Variants in BBX observed in about 807,000 individuals in gnomAD.
BBX encodes the protein BBX high mobility group box domain containing.
Under a neutral mutation model 100.2 loss-of-function variants are expected in BBX, and 30 were observed. That is an observed-to-expected ratio of 0.30 (90% CI 0.22 to 0.41). BBX has a LOEUF of 0.41. BBX is among the 10% of genes least tolerant of loss of function. The pLI is 1.00. For missense variants in BBX, 1,023 were observed against 1,129.8 expected (o/e 0.91, Z 1.35); for synonymous variants, 376 against 388.1 (o/e 0.97, Z 0.37).
In BBX at chr3:107,555,170, T is replaced by C. The variant is rs16853614; in HGVS notation, c.-84+28772T>C. On this transcript the variant is annotated intron_variant, in intron 2 of 17. Coordinates refer to ENST00000325805, the MANE Select transcript of BBX (RefSeq NM_001142568.3). ...TTTCTGCTAAACCAAAGCTCCTATT[T>C]GAGGTGTAGTTGCTCAGTTTCCCAC... Among the ~76,000 whole-genome samples the C allele has an allele frequency of 8.7e-3, 1,327 of 152,318 alleles. 26 individuals are homozygous for C. Among genetic ancestry groups the C allele is most frequent in the African/African-American group, 0.03 (1,265 of 41,560 alleles).
intron 2 of BBX, among the ~76,000 whole-genome samples, chr3:107,637,940 G>A (rs772518728): frequency 1.3e-5 from 2 of 151,666 alleles, no homozygotes; most frequent in Non-Finnish European, 2.9e-5. Flanking sequence ...CTTGAGACAG[G>A]GTCTTGCTCT....
At chr3:107,576,202 A>T (rs772894956) in intron 2 of BBX, among the ~76,000 whole-genome samples, 100 of 152,334 alleles carry the variant, frequency 6.6e-4, no homozygotes, top group Non-Finnish European at 1.2e-3. Flanking sequence ...ATGTGGGGAA[A>T]CTGGGGCTCA....
chr3:107,580,416 A>T (rs1329369324), intron 2 of BBX, among the ~76,000 whole-genome samples: 1 of 152,206 alleles, frequency 6.6e-6, no homozygotes, highest in African/African-American at 2.4e-5. Context: ...TTATTATACA[A>T]GCACATTCAT....
intron 2 of BBX, chr3:107,599,564 C>T (rs953936161): frequency 1.3e-5 from 2 of 151,880 alleles, no homozygotes; most frequent in Admixed American, 6.6e-5. Flanking sequence ...TGTAGACTGC[C>T]GCACTGAAAA....
chr3:107,780,984 A>G (rs1372371250), intron 13 of BBX, among the ~76,000 whole-genome samples: 3 of 151,936 alleles, frequency 2.0e-5, no homozygotes, highest in Non-Finnish European at 4.4e-5. Context: ...CCATTTGTCT[A>G]TATTTTATTT....
intron 13 of BBX, among the ~76,000 whole-genome samples, chr3:107,787,357 C>T (rs1200990637): frequency 1.3e-5 from 2 of 152,042 alleles, no homozygotes; most frequent in Non-Finnish European, 2.9e-5. Flanking sequence ...TGATACATGC[C>T]GTAGCATGGA....
chr3:107,716,926 C>A, intron 5 of BBX, 77 bp downstream of exon 5: 1 of 1,529,630 alleles, frequency 6.5e-7, no homozygotes, highest in African/African-American at 1.4e-5. Flanking sequence ...ATATGAAGCA[C>A]CTGTTGAAGG....
chr3:107,594,343 C>A (rs187452487), intron 2 of BBX, among the ~76,000 whole-genome samples: 37 of 152,240 alleles, frequency 2.4e-4, no homozygotes, highest in Admixed American at 2.2e-3. Flanking sequence ...TCCCTTGAAG[C>A]CCTTATTCCT....
chr3:107,697,103 A>AT (rs374964882), intron 3 of BBX, among the ~76,000 whole-genome samples: 33,493 of 150,986 alleles, frequency 0.22, 4,815 homozygotes, highest in Non-Finnish European at 0.31. Flanking sequence ...ATTCTTCTAA[A>AT]TTTTTTTCAA....
At chr3:107,631,501 G>A (rs1289011281) in intron 2 of BBX, among the ~76,000 whole-genome samples, 2 of 151,554 alleles carry the variant, frequency 1.3e-5, no homozygotes, top group Non-Finnish European at 2.9e-5. Context: ...TTTTATTCTG[G>A]CATGTTTGGG....
At chr3:107,628,250 T>C (rs576492879) in intron 2 of BBX, among the ~76,000 whole-genome samples, 57 of 152,186 alleles carry the variant, frequency 3.7e-4, no homozygotes, top group African/African-American at 1.3e-3. Context: ...TAGAAAGGTA[T>C]AAAGGATTCC....
intron 17 of BBX, 81 bp downstream of exon 17, chr3:107,801,362 G>A (rs1559802898): frequency 6.8e-7 from 1 of 1,461,598 alleles, no homozygotes; most frequent in Non-Finnish European, 9.2e-7. Context: ...ATTTTTTACA[G>A]GGCATTGGGG....
At position 107,805,862 on chromosome 3, in the gene BBX, A is replaced by C. The variant is rs28683589; in HGVS notation, c.*405A>C. On this transcript the variant is annotated 3_prime_UTR_variant, in exon 18 of 18. Transcript: ENST00000325805. ...TTTCAAAACAAAACAAAAAAAAAAC[A>C]AAAACTGACGCACTGCACTAGTTAT... The C allele has an allele frequency of 5.1e-6, 1 of 195,754 alleles. No individual in the cohort carries two copies. Among genetic ancestry groups the C allele is most frequent in the Non-Finnish European group, 1.0e-5 (1 of 96,200 alleles). 12.1% of individuals were successfully genotyped at this position (195,754 alleles called of 1,614,324 possible).
intron 3 of BBX, among the ~76,000 whole-genome samples, chr3:107,673,857 ACATT>A (rs2059147830): frequency 6.6e-6 from 1 of 152,294 alleles, no homozygotes; most frequent in African/African-American, 2.4e-5. Context: ...TACCTTTTCC[ACATT>A]TGGAAGTCTT....
intron 3 of BBX, among the ~76,000 whole-genome samples, chr3:107,679,224 T>A (rs1182888233): frequency 1.3e-5 from 2 of 152,048 alleles, no homozygotes; most frequent in Admixed American, 6.6e-5. Flanking sequence ...AGATCGCAAG[T>A]TGTAAAGTTT....
intron 2 of BBX, among the ~76,000 whole-genome samples, chr3:107,624,251 G>A (rs1286677630): frequency 6.6e-6 from 1 of 152,172 alleles, no homozygotes; most frequent in Non-Finnish European, 1.5e-5. Flanking sequence ...CTGGCATATA[G>A]TAAGTGCTTT....
At chr3:107,611,128 CTG>C (rs1476229950) in intron 2 of BBX, among the ~76,000 whole-genome samples, 2 of 152,094 alleles carry the variant, frequency 1.3e-5, no homozygotes, top group Non-Finnish European at 2.9e-5. Flanking sequence ...CTATTAAAAA[CTG>C]TATGCTTTAA....
chr3:107,597,174 T>C (rs2053719091), intron 2 of BBX, among the ~76,000 whole-genome samples: 2 of 152,240 alleles, frequency 1.3e-5, no homozygotes, highest in Non-Finnish European at 2.9e-5. Context: ...TATAATACTT[T>C]ATGTTGTCCA....
chr3:107,565,477 T>TTATG (rs1210794862), intron 2 of BBX, among the ~76,000 whole-genome samples: 67 of 147,910 alleles, frequency 4.5e-4, no homozygotes, highest in African/African-American at 1.4e-3. Context: ...ATTTATTTAT[T>TTATG]TATGTATGTT....
Sources: gnomAD v4.1 joint callset for allele counts (sites outside exome capture counted in the v4.1 genomes callset) on GRCh38, gnomAD v4.1.1 for gene constraint, MANE v1.5 for transcripts, NCBI Gene and HGNC (gene_info 2026-07-23, HGNC 2026-07-21) for gene names.